Variants in KIF1B observed in about 807,000 individuals in gnomAD.
KIF1B encodes kinesin family member 1B.
Under a neutral mutation model 241.9 loss-of-function variants are expected in KIF1B, and 76 were observed. That is an observed-to-expected ratio of 0.31 (90% CI 0.26 to 0.38). The LOEUF is 0.38. Among genes scored for constraint, KIF1B ranks in the 10% least tolerant of loss-of-function variants. KIF1B has a pLI of 1.00. For missense variants in KIF1B, 1,622 were observed against 2,271.4 expected (o/e 0.71, Z 5.81); for synonymous variants, 750 against 796.7 (o/e 0.94, Z 0.99).
chr1:10,319,103 C>CTT lies in KIF1B; in HGVS notation c.2116-924_2116-923dup, dbSNP rs1267312262. On this transcript the variant is annotated intron_variant, in intron 22 of 48. Transcript: ENST00000676179. Reference sequence around the variant, plus strand: ...ACATCTGATTTGTATTACAATAATCCTTTTTTTTTTTTTTTTTGAGACAGA... The same window carrying CTT: ...ACATCTGATTTGTATTACAATAATCCTTTTTTTTTTTTTTTTTTTGAGACAGA... Among the ~76,000 whole-genome samples, 120 of 131,928 alleles carry CTT rather than the reference C, an allele frequency of 9.1e-4. 1 individual carries two copies. The highest frequency in any genetic ancestry group is 2.2e-3 in the African/African-American group (73 of 32,900). 86.5% of individuals were successfully genotyped at this position (131,928 alleles called of 152,430 possible).
At position 10,326,481 on chromosome 1, in the gene KIF1B, A is replaced by G; in HGVS notation, c.2924+122A>G. ...TTCAACTCATGAATGCTCTTTTTCA[A>G]GTTCTCCAATACTTCAAGCTCTTAG... is the stretch of plus-strand genomic sequence containing the variant. On this transcript the variant is annotated intron_variant, in intron 27 of 48. Coordinates refer to ENST00000676179, the MANE Select transcript of KIF1B (RefSeq NM_001365951.3). This position sits in a 1 kb window ranked among gnomAD's most constrained non-coding sequence, Gnocchi z 5.2. 2.3e-6 allele frequency: 3 copies of G among 1,286,240 alleles called. No individual in the cohort carries two copies. Among genetic ancestry groups the G allele is most frequent in the Non-Finnish European group, 3.3e-6 (3 of 895,918 alleles). 79.7% of individuals were successfully genotyped at this position (1,286,240 alleles called of 1,614,324 possible).
intron 41 of KIF1B, among the ~76,000 whole-genome samples, chr1:10,363,672 G>C (rs1320971343): frequency 1.3e-5 from 2 of 152,046 alleles, no homozygotes; most frequent in Non-Finnish European, 2.9e-5. Flanking sequence ...CAGCCTAGGT[G>C]ACAGAGTGAG....
chr1:10,378,712 C>T lies in KIF1B; in HGVS notation c.*2125C>T. ...TCATCATCCACAACCTTGTTTCTCA[C>T]TTCCTGGTTGGGCTCATCTCTGAAG... On this transcript the variant is annotated 3_prime_UTR_variant, in exon 49 of 49. Coordinates refer to ENST00000676179, the MANE Select transcript of KIF1B (RefSeq NM_001365951.3). The T allele has an allele frequency of 2.5e-6, 1 of 404,376 alleles. No homozygotes were observed. Among genetic ancestry groups the T allele is most frequent in the East Asian group, 4.1e-5 (1 of 24,220 alleles). 25.0% of individuals were successfully genotyped at this position (404,376 alleles called of 1,614,324 possible). A position where few individuals can be genotyped will look rare whatever the true frequency, so the allele number is the denominator to read the frequency against.
At chr1:10,282,651 G>T in intron 15 of KIF1B, 118 bp downstream of exon 15, 4 of 872,936 alleles carry the variant, frequency 4.6e-6, no homozygotes, top group Middle Eastern at 3.3e-4. Flanking sequence ...ACTCTTAGAA[G>T]TGTCCTGAAA....
chr1:10,283,253 T>G, intron 15 of KIF1B, among the ~76,000 whole-genome samples: 1 of 146,014 alleles, frequency 6.8e-6, no homozygotes, highest in Non-Finnish European at 1.5e-5. Flanking sequence ...AACATTTGAG[T>G]AGCTGTTCCA....
At chr1:10,279,689 CTTTTTTTTTTTTTTT>C (rs34983973) in intron 14 of KIF1B, among the ~76,000 whole-genome samples, 3 of 67,658 alleles carry the variant, frequency 4.4e-5, no homozygotes, top group East Asian at 4.8e-4. Context: ...ACGTTTTTTC[CTTTTTTTTTTTTTTT>C]TTTTTTTTTT....
intron 32 of KIF1B, among the ~76,000 whole-genome samples, chr1:10,340,155 AAG>A (rs1258834511): frequency 1.1e-4 from 16 of 152,332 alleles, no homozygotes; most frequent in African/African-American, 3.4e-4. Context: ...CATGCTTAAT[AAG>A]AGTTTTATTA....
At position 10,297,170 on chromosome 1, in the gene KIF1B, C is replaced by G; in HGVS notation, c.2043-4C>G. On this transcript the variant is annotated splice_region_variant and splice_polypyrimidine_tract_variant and intron_variant, in intron 21 of 48. Transcript: ENST00000676179. ...TGAATTTTTTTTTTTTTTTTTACTTCTAGGCTACAGGAAATGGAGATCTTA... is the reference window on the plus strand; with the variant it reads ...TGAATTTTTTTTTTTTTTTTTACTTGTAGGCTACAGGAAATGGAGATCTTA... The G allele has an allele frequency of 6.5e-7, 1 of 1,543,352 alleles. No homozygotes were observed. The highest frequency in any genetic ancestry group is 8.8e-7 in the Non-Finnish European group (1 of 1,136,002).
intron 3 of KIF1B, 141 bp from the exon 4 acceptor site, chr1:10,258,352 G>T (rs1647920696): frequency 1.3e-6 from 1 of 754,496 alleles, no homozygotes; most frequent in Non-Finnish European, 2.2e-6. Context: ...AAGTAAACTT[G>T]TGTATAGGAG....
At chr1:10,282,945 G>A (rs1326921274) in intron 15 of KIF1B, among the ~76,000 whole-genome samples, 5 of 152,060 alleles carry the variant, frequency 3.3e-5, no homozygotes, top group Non-Finnish European at 5.9e-5. Flanking sequence ...AGTGGCTCAC[G>A]CCTGTAATCC....
chr1:10,243,766 T>C, intron 2 of KIF1B, among the ~76,000 whole-genome samples: 1 of 152,250 alleles, frequency 6.6e-6, no homozygotes, highest in East Asian at 1.9e-4. Context: ...TTAATTTGAA[T>C]TTAACTTAGA....
At chr1:10,338,804 C>T (rs902341914) in intron 31 of KIF1B, among the ~76,000 whole-genome samples, 15 of 152,294 alleles carry the variant, frequency 9.8e-5, no homozygotes, top group African/African-American at 3.1e-4. Flanking sequence ...GTTCACCTGT[C>T]GTCAGGGAAC....
At chr1:10,284,955 GAGA>G (rs1442362859) in intron 15 of KIF1B, among the ~76,000 whole-genome samples, 2 of 152,214 alleles carry the variant, frequency 1.3e-5, no homozygotes, top group African/African-American at 2.4e-5. Context: ...CTAGCAAAGG[GAGA>G]AGGAGTGAGA....
chr1:10,332,519 T>C (rs1651987898), intron 27 of KIF1B, among the ~76,000 whole-genome samples: 1 of 124,016 alleles, frequency 8.1e-6, no homozygotes, highest in African/African-American at 3.1e-5. Context: ...TTTTTTTTTT[T>C]TTTTTTTTTT....
chr1:10,261,163 C>T (rs935943014), intron 4 of KIF1B, among the ~76,000 whole-genome samples: 1 of 151,698 alleles, frequency 6.6e-6, no homozygotes, highest in Non-Finnish European at 1.5e-5. Context: ...GACGGGGTTT[C>T]ACAATGTTGG....
At chr1:10,319,936 C>A in intron 22 of KIF1B, 107 bp from the exon 23 acceptor site, 1 of 749,836 alleles carries the variant, frequency 1.3e-6, no homozygotes, top group Non-Finnish European at 2.3e-6. Context: ...TGTCTCTTTT[C>A]CTTGTCCTTT....
intron 1 of KIF1B, among the ~76,000 whole-genome samples, chr1:10,217,461 G>C (rs771281027): frequency 1.3e-5 from 2 of 150,030 alleles, no homozygotes; most frequent in Non-Finnish European, 3.0e-5. Flanking sequence ...GGGATTATAG[G>C]CACCCACCAC....
At chr1:10,238,917 G>C (rs1033149817) in intron 2 of KIF1B, among the ~76,000 whole-genome samples, 2 of 152,000 alleles carry the variant, frequency 1.3e-5, no homozygotes, top group Non-Finnish European at 2.9e-5. Flanking sequence ...TGCTTTTGAT[G>C]GATTTTTTTG....
At chr1:10,314,733 T>A (rs1275133999) in intron 22 of KIF1B, among the ~76,000 whole-genome samples, 1 of 151,706 alleles carries the variant, frequency 6.6e-6, no homozygotes, top group African/African-American at 2.4e-5. Context: ...TTAAACTTTT[T>A]AGATTCATAG....
Sources: gnomAD v4.1 joint callset for allele counts (sites outside exome capture counted in the v4.1 genomes callset) on GRCh38, gnomAD v4.1.1 for gene constraint, Gnocchi (gnomAD v3.1) non-coding constraint, MANE v1.5 for transcripts, NCBI Gene and HGNC (gene_info 2026-07-23, HGNC 2026-07-21) for gene names.